The following SSBP2 variants were observed in gnomAD, a reference collection of about 807,000 sequenced individuals.
SSBP2 encodes the protein single stranded DNA binding protein 2.
A neutral mutation model predicts 61.8 loss-of-function variants in SSBP2; 17 were observed. That is an observed-to-expected ratio of 0.28 (90% confidence interval 0.19 to 0.41). The LOEUF is 0.41. Among genes scored for constraint, SSBP2 ranks in the 10% least tolerant of loss-of-function variants. The pLI, the probability that SSBP2 is intolerant of heterozygous loss-of-function variation, is 1.00. For synonymous variants in SSBP2, 139 were observed against 141.3 expected (o/e 0.98, Z 0.12); for missense variants, 310 against 458.7 (o/e 0.68, Z 2.96).
chr5:81,432,982 TG>T (rs71000832), intron 15 of SSBP2, among the ~76,000 whole-genome samples: 13 of 116,136 alleles, frequency 1.1e-4, no homozygotes, highest in South Asian at 5.9e-4. Flanking sequence ...GGGAGGGAGG[TG>T]GGGGGGGTCA....
chr5:81,593,006 G>A (rs532549073), intron 4 of SSBP2, among the ~76,000 whole-genome samples: 1 of 152,206 alleles, frequency 6.6e-6, no homozygotes, highest in Non-Finnish European at 1.5e-5. Flanking sequence ...ACTTTGACGA[G>A]TTGAGAGAAG....
At chr5:81,504,502 T>C (rs1768031816) in intron 5 of SSBP2, among the ~76,000 whole-genome samples, 3 of 152,202 alleles carry the variant, frequency 2.0e-5, no homozygotes, top group Non-Finnish European at 4.4e-5. Context: ...CTGGAGGCCT[T>C]TGCACTTGTT....
chr5:81,606,096 A>G (rs7720445), intron 4 of SSBP2, among the ~76,000 whole-genome samples: 26,451 of 152,158 alleles, frequency 0.17, 2,408 homozygotes, highest in Non-Finnish European at 0.21. Context: ...TGATCCAGGA[A>G]AATCTAGGAG....
intron 1 of SSBP2, among the ~76,000 whole-genome samples, chr5:81,723,011 T>A (rs755157578): frequency 6.6e-6 from 1 of 152,020 alleles, no homozygotes; most frequent in Non-Finnish European, 1.5e-5. Context: ...TTTATACATA[T>A]ATTCTCCATG....
intron 1 of SSBP2, among the ~76,000 whole-genome samples, chr5:81,729,640 AT>A (rs1428924930): frequency 2.0e-5 from 3 of 152,190 alleles, no homozygotes; most frequent in African/African-American, 7.2e-5. Flanking sequence ...CACTATGAGT[AT>A]TAGGTTGTGA....
At chr5:81,746,360 A>G (rs1757347617) in intron 1 of SSBP2, among the ~76,000 whole-genome samples, 1 of 152,046 alleles carries the variant, frequency 6.6e-6, no homozygotes, top group Non-Finnish European at 1.5e-5. Flanking sequence ...TTTACACAAA[A>G]TTTCACTTCC....
At chr5:81,635,246 T>A (rs1458999052) in intron 3 of SSBP2, among the ~76,000 whole-genome samples, 1 of 152,168 alleles carries the variant, frequency 6.6e-6, no homozygotes, top group Non-Finnish European at 1.5e-5. Flanking sequence ...ATTTGATTAG[T>A]TCAGTATCTG....
intron 1 of SSBP2, among the ~76,000 whole-genome samples, chr5:81,728,829 T>A (rs563297854): frequency 6.6e-6 from 1 of 152,200 alleles, no homozygotes; most frequent in East Asian, 1.9e-4. Flanking sequence ...AACCAACGCA[T>A]CTACTGAATC....
chr5:81,587,538 T>A (rs1342801656), intron 4 of SSBP2, among the ~76,000 whole-genome samples: 2 of 152,138 alleles, frequency 1.3e-5, no homozygotes, highest in East Asian at 3.9e-4. Context: ...GAGACCAACC[T>A]GTCCAACATG....
At chr5:81,683,191 C>A (rs9885520) in intron 1 of SSBP2, among the ~76,000 whole-genome samples, 8,386 of 152,080 alleles carry the variant, frequency 0.055, 318 homozygotes, top group South Asian at 0.12. Context: ...GGCAAAACCC[C>A]AGAATAACCA....
chr5:81,426,621 T>C (rs1761968421), intron 16 of SSBP2, among the ~76,000 whole-genome samples: 1 of 152,240 alleles, frequency 6.6e-6, no homozygotes, highest in South Asian at 2.1e-4. Context: ...GTTTGCCATG[T>C]GCATAGTCCA....
intron 4 of SSBP2, among the ~76,000 whole-genome samples, chr5:81,556,446 CACAG>C (rs1303363792): frequency 6.6e-6 from 1 of 152,062 alleles, no homozygotes; most frequent in African/African-American, 2.4e-5. Context: ...AACTTGCTAA[CACAG>C]ACAATTTTAG....
At chr5:81,532,835 T>C (rs747653881) in intron 4 of SSBP2, among the ~76,000 whole-genome samples, 3 of 151,810 alleles carry the variant, frequency 2.0e-5, no homozygotes, top group Non-Finnish European at 2.9e-5. Flanking sequence ...TGGATCAAAA[T>C]GACAAAACAA....
At chr5:81,703,817 C>T (rs939496093) in intron 1 of SSBP2, among the ~76,000 whole-genome samples, 2 of 152,046 alleles carry the variant, frequency 1.3e-5, no homozygotes, top group Non-Finnish European at 2.9e-5. Flanking sequence ...TTTAAATGCG[C>T]AGATCCAAAA....
chr5:81,747,686 T>TG (rs1165256536), intron 1 of SSBP2, among the ~76,000 whole-genome samples: 1 of 152,178 alleles, frequency 6.6e-6, no homozygotes, highest in East Asian at 1.9e-4. Context: ...TTGATGCTTT[T>TG]GGTATTAGAA....
intron 4 of SSBP2, among the ~76,000 whole-genome samples, chr5:81,554,837 A>C (rs1050177831): frequency 1.3e-5 from 2 of 152,106 alleles, no homozygotes; most frequent in Non-Finnish European, 2.9e-5. Context: ...ATTTAAATAA[A>C]AATGTGTTGA....
rs1748778114 is a variant in SSBP2, at chr5:81,641,461, T to A, written c.136-4843A>T. 1.3e-5 allele frequency among the ~76,000 whole-genome samples: 2 copies of A among 152,230 alleles called. 1 individual carries two copies. The highest frequency in any genetic ancestry group is 4.1e-4 in the South Asian group (2 of 4,828). On this transcript the variant is annotated intron_variant, in intron 2 of 16. Transcript: ENST00000320672. ...AGTCTGTGCCAGAAGCAGGTAAAAC[T>A]TCCGTCCATCATACTGAAGTTAACA...
chr5:81,749,530 T>C (rs1031920968), intron 1 of SSBP2, among the ~76,000 whole-genome samples: 1 of 152,138 alleles, frequency 6.6e-6, no homozygotes, highest in Non-Finnish European at 1.5e-5. Flanking sequence ...GTAACCAAAG[T>C]ACCTTTGAGA....
chr5:81,651,471 T>C (rs1365771039), intron 1 of SSBP2, among the ~76,000 whole-genome samples: 1 of 152,182 alleles, frequency 6.6e-6, no homozygotes, highest in African/African-American at 2.4e-5. Context: ...ATACTTAAAA[T>C]GAGAGTTATT....
Sources: allele counts gnomAD v4.1 joint callset (sites outside exome capture counted in the v4.1 genomes callset), GRCh38; gene constraint gnomAD v4.1.1; transcripts MANE v1.5; gene names NCBI Gene and HGNC (gene_info 2026-07-23, HGNC 2026-07-21).